KIAA1217: variants seen among roughly 807,000 people sequenced by gnomAD.
The protein encoded by KIAA1217 is KIAA1217.
In KIAA1217, 88 loss-of-function variants were observed where a neutral mutation model predicts 163.9. The ratio of observed to expected loss-of-function variants is 0.54; its 90% CI spans 0.45 to 0.64. The LOEUF is 0.64. Ranked by LOEUF, KIAA1217 falls within the 30% of genes least tolerant of loss-of-function variation. The probability of loss-of-function intolerance (pLI) is 0.00; values close to 1 mark genes in which losing one functional copy is unlikely to be tolerated. For missense variants in KIAA1217, 2,372 were observed against 2,475.0 expected (o/e 0.96, Z 0.88); for synonymous variants, 903 against 923.1 (o/e 0.98, Z 0.39).
chr10:23,898,426 CCA>C (rs1841803067), intron 1 of KIAA1217, among the ~76,000 whole-genome samples: 1 of 151,764 alleles, frequency 6.6e-6, no homozygotes, highest in Non-Finnish European at 1.5e-5. Context: ...ACCTCATGTA[CCA>C]TTTTCCATTT....
intron 10 of KIAA1217, among the ~76,000 whole-genome samples, chr10:24,516,400 A>G (rs958755474): frequency 3.9e-5 from 6 of 152,306 alleles, no homozygotes; most frequent in Admixed American, 1.3e-4. Context: ...GTGCCTACAG[A>G]GATTGGAAGA....
At chr10:24,367,809 G>A (rs1198048383) in intron 2 of KIAA1217, among the ~76,000 whole-genome samples, 1 of 152,192 alleles carries the variant, frequency 6.6e-6, no homozygotes, top group Admixed American at 6.5e-5. Flanking sequence ...CTGTGGGGGA[G>A]GTATACTATG....
Position 24,536,903 on chromosome 10 carries a change from C to T in KIAA1217, c.3534+10C>T, listed in dbSNP as rs773484867. The T allele has an allele frequency of 2.9e-5, 47 of 1,613,312 alleles. No individual in the cohort carries two copies. The South Asian group carries it at 4.9e-4, about 17-fold the overall frequency. ...ACCCAAGGAGAAGAAGGTAACGTGG[C>T]AACTGCACATTTGCCACACGGTTGG... is the stretch of plus-strand genomic sequence containing the variant. On this transcript the variant is annotated intron_variant, in intron 17 of 20. Transcript: ENST00000376454.
chr10:23,867,093 T>C (rs1186098266), intron 1 of KIAA1217, among the ~76,000 whole-genome samples: 1 of 150,108 alleles, frequency 6.7e-6, no homozygotes, highest in Non-Finnish European at 1.5e-5. Context: ...AGTGAGAATA[T>C]GTGGTGTTTG....
intron 2 of KIAA1217, among the ~76,000 whole-genome samples, chr10:24,298,160 A>G (rs1423602680): frequency 2.0e-5 from 3 of 152,218 alleles, no homozygotes; most frequent in Admixed American, 1.3e-4. Flanking sequence ...TTTACTATAC[A>G]GTAATGTCTC....
intron 2 of KIAA1217, among the ~76,000 whole-genome samples, chr10:24,257,767 G>A (rs1315263259): frequency 6.6e-6 from 1 of 152,148 alleles, no homozygotes; most frequent in Non-Finnish European, 1.5e-5. Context: ...TTCCTGCCTG[G>A]AGTGCATGAC....
chr10:24,360,333 G>A (rs780792009), intron 2 of KIAA1217, among the ~76,000 whole-genome samples: 5 of 151,938 alleles, frequency 3.3e-5, no homozygotes, highest in East Asian at 1.9e-4. Flanking sequence ...TGTCACGCCC[G>A]GCCAAGATAG....
intron 1 of KIAA1217, among the ~76,000 whole-genome samples, chr10:23,750,403 CT>C (rs1421084666): frequency 6.6e-6 from 1 of 152,182 alleles, no homozygotes; most frequent in East Asian, 1.9e-4. Context: ...ATCTGCCATT[CT>C]TTCTAATGTG....
At chr10:24,413,061 A>C (rs910834805) in intron 3 of KIAA1217, among the ~76,000 whole-genome samples, 1 of 152,150 alleles carries the variant, frequency 6.6e-6, no homozygotes, top group Non-Finnish European at 1.5e-5. Context: ...TCCAAAATAT[A>C]TGCACAAATC....
intron 8 of KIAA1217, among the ~76,000 whole-genome samples, chr10:24,500,611 C>T (rs2067450037): frequency 6.6e-6 from 1 of 152,160 alleles, no homozygotes; most frequent in Admixed American, 6.5e-5. Context: ...GTACCCAGTT[C>T]TTACTAATCT....
chr10:23,736,491 T>C (rs921732735), intron 1 of KIAA1217, among the ~76,000 whole-genome samples: 1 of 152,170 alleles, frequency 6.6e-6, no homozygotes. Context: ...GACACTATGG[T>C]AATTAATCAC....
chr10:24,194,727 G>T (rs371075275), intron 2 of KIAA1217, among the ~76,000 whole-genome samples: 25 of 150,154 alleles, frequency 1.7e-4, no homozygotes, highest in African/African-American at 5.9e-4. Flanking sequence ...GGGACTATAG[G>T]CATGCACCAC....
At chr10:23,991,335 C>G (rs564506166) in intron 1 of KIAA1217, among the ~76,000 whole-genome samples, 19 of 152,140 alleles carry the variant, frequency 1.2e-4, no homozygotes, top group Non-Finnish European at 2.6e-4. Flanking sequence ...GTTCTTTTTT[C>G]ACGTAGCCCA....
chr10:24,207,282 T>A (rs866778330), upstream of KIAA1217, among the ~76,000 whole-genome samples: 418 of 140,202 alleles, frequency 3.0e-3, 3 homozygotes, highest in South Asian at 7.2e-3. Context: ...TCTCTCTCTC[T>A]CACACACACA....
In KIAA1217 at chr10:23,929,518, G is replaced by A. The variant is rs147515665; in HGVS notation, c.-320-77707G>A. On this transcript the variant is annotated intron_variant, in intron 1 of 18. Transcript: ENST00000376462. ...TTTATTTTCCCATCTTTAAGTCCACGTGTACCCAGTGTTCAGCTCCCACTT... is the reference window on the plus strand; with the variant it reads ...TTTATTTTCCCATCTTTAAGTCCACATGTACCCAGTGTTCAGCTCCCACTT... Among the ~76,000 whole-genome samples, 31 of 152,122 alleles carry A rather than the reference G, an allele frequency of 2.0e-4. No individual in the cohort carries two copies. In the East Asian group the frequency reaches 5.0e-3, roughly 25 times the overall value.
intron 1 of KIAA1217, among the ~76,000 whole-genome samples, chr10:23,815,448 T>G (rs1231762760): frequency 6.6e-6 from 1 of 151,998 alleles, no homozygotes; most frequent in East Asian, 1.9e-4. Flanking sequence ...ATCCAGACCA[T>G]CCTGGCTAAC....
chr10:24,341,225 T>G (rs1304800161), intron 2 of KIAA1217, among the ~76,000 whole-genome samples: 1 of 152,214 alleles, frequency 6.6e-6, no homozygotes, highest in African/African-American at 2.4e-5. Flanking sequence ...CTTATTTTCT[T>G]TCTTTCTAGA....
intron 1 of KIAA1217, among the ~76,000 whole-genome samples, chr10:23,852,787 G>C (rs1378467725): frequency 6.6e-6 from 1 of 152,058 alleles, no homozygotes; most frequent in Non-Finnish European, 1.5e-5. Context: ...ATTGTGAATG[G>C]GAGTTCACTC....
At chr10:24,366,823 C>T (rs1400927211) in intron 2 of KIAA1217, among the ~76,000 whole-genome samples, 1 of 152,206 alleles carries the variant, frequency 6.6e-6, no homozygotes, top group African/African-American at 2.4e-5. Flanking sequence ...CTGGGACAAC[C>T]TCAGGGATGG....
Sources: gnomAD v4.1 joint callset for allele counts (sites outside exome capture counted in the v4.1 genomes callset) on GRCh38, gnomAD v4.1.1 for gene constraint, MANE v1.5 for transcripts, NCBI Gene and HGNC (gene_info 2026-07-23, HGNC 2026-07-21) for gene names.